Variants in AGPAT4 observed in about 807,000 individuals in gnomAD.
The protein encoded by AGPAT4 is 1-acyl-sn-glycerol-3-phosphate acyltransferase delta.
In AGPAT4, 15 loss-of-function variants were observed where a neutral mutation model predicts 48.0. That is an observed-to-expected ratio of 0.31 (90% CI 0.21 to 0.48). The LOEUF (loss-of-function observed/expected upper bound fraction) is 0.48, where lower values mean the gene tolerates loss of function less well. Among genes scored for constraint, AGPAT4 ranks in the 20% least tolerant of loss-of-function variants. The pLI is 0.99. For synonymous variants in AGPAT4, 178 were observed against 198.7 expected (o/e 0.90, Z 0.88); for missense variants, 314 against 482.5 (o/e 0.65, Z 3.27).
chr6:161,194,319 C>T (rs1781002208), intron 2 of AGPAT4, among the ~76,000 whole-genome samples: 1 of 152,118 alleles, frequency 6.6e-6, no homozygotes, highest in African/African-American at 2.4e-5. Context: ...AATTTGGACG[C>T]ACGACACTAA....
rs539347989 is a variant in AGPAT4, at chr6:161,267,072, G to A, written c.-90+6866C>T. 3.3e-5 allele frequency among the ~76,000 whole-genome samples: 5 copies of A among 152,334 alleles called. No homozygotes were observed. In the South Asian group the frequency reaches 1.0e-3, roughly 32 times the overall value. On this transcript the variant is annotated intron_variant, in intron 1 of 8. Transcript: ENST00000320285. The surrounding 1 kb of genome is among the most constrained non-coding windows in gnomAD (Gnocchi z 5.2). ...CCACCCACCGCCTTGGGAACTCTGA[G>A]AGCAGCCACCACAGGTGTCCTTGAG...
In AGPAT4 at chr6:161,221,732, A is replaced by T. The variant is rs1261960549; in HGVS notation, c.178+10304T>A. 2.0e-5 allele frequency among the ~76,000 whole-genome samples: 3 copies of T among 152,058 alleles called. No homozygotes were observed. The highest frequency in any genetic ancestry group is 2.9e-5 in the Non-Finnish European group (2 of 68,022). Reference sequence around the variant, plus strand: ...GTTCCTTCTGAGCATGTGAGGGAGGATCTGTGTCACAGCTCTCTCCCAGCG... The same window carrying T: ...GTTCCTTCTGAGCATGTGAGGGAGGTTCTGTGTCACAGCTCTCTCCCAGCG... On this transcript the variant is annotated intron_variant, in intron 2 of 8. Transcript: ENST00000320285. The surrounding 1 kb of genome is among the most constrained non-coding windows in gnomAD (Gnocchi z 4.5).
intron 2 of AGPAT4, among the ~76,000 whole-genome samples, chr6:161,203,607 A>G (rs1781303132): frequency 6.6e-6 from 1 of 151,940 alleles, no homozygotes; most frequent in Non-Finnish European, 1.5e-5. Flanking sequence ...CGTGTTGACC[A>G]GGCTGGTCTC....
rs934162094 is a variant in AGPAT4, at chr6:161,195,244, A to G, written c.179-28827T>C. ...CGAAAACCAAGATGAAGGATAATTC[A>G]AGACAAGAAACTGGCACCTATTTTC... On this transcript the variant is annotated intron_variant, in intron 2 of 8. Transcript: ENST00000320285. The surrounding 1 kb of genome is among the most constrained non-coding windows in gnomAD (Gnocchi z 5.0). Among the ~76,000 whole-genome samples, 2 of 152,212 alleles carry G rather than the reference A, an allele frequency of 1.3e-5. No individual in the cohort carries two copies. Among genetic ancestry groups the G allele is most frequent in the South Asian group, 2.1e-4 (1 of 4,832 alleles).
rs1385138101 is a variant in AGPAT4, at chr6:161,142,952, G to T, written c.844-3332C>A. Among the ~76,000 whole-genome samples, 3 of 152,162 alleles carry T rather than the reference G, an allele frequency of 2.0e-5. No homozygotes were observed. Among genetic ancestry groups the T allele is most frequent in the Non-Finnish European group, 4.4e-5 (3 of 68,024 alleles). On this transcript the variant is annotated intron_variant, in intron 7 of 8. Transcript: ENST00000320285. This position sits in a 1 kb window ranked among gnomAD's most constrained non-coding sequence, Gnocchi z 6.4. ...CCCAAAATGGTTCTTGTCCTTGAAG[G>T]CCAGAGCAGGAGAGCACAGTGTTTC...
rs1006426158 is a variant in AGPAT4, at chr6:161,184,285, C to T, written c.179-17868G>A. Among the ~76,000 whole-genome samples, 2 of 151,954 alleles carry T rather than the reference C, an allele frequency of 1.3e-5. No homozygotes were observed. Among genetic ancestry groups the T allele is most frequent in the African/African-American group, 4.8e-5 (2 of 41,338 alleles). On this transcript the variant is annotated intron_variant, in intron 2 of 8. Transcript: ENST00000320285. The surrounding 1 kb of genome is among the most constrained non-coding windows in gnomAD (Gnocchi z 4.8). ...ATGATCATATTTAGGATGATATATG[C>T]TACAGGCAGAGCCAGTGGAACTTGC...
intron 2 of AGPAT4, among the ~76,000 whole-genome samples, chr6:161,228,039 G>C (rs1782028896): frequency 6.6e-6 from 1 of 152,184 alleles, no homozygotes; most frequent in African/African-American, 2.4e-5. Flanking sequence ...CCAATGGGAA[G>C]AAAGATCAAG....
chr6:161,152,815 GACA>G (rs1779631405), intron 5 of AGPAT4, among the ~76,000 whole-genome samples: 2 of 152,202 alleles, frequency 1.3e-5, no homozygotes, highest in South Asian at 4.1e-4. Flanking sequence ...TGTGCAGAAG[GACA>G]CAGAGGGTGT....
rs1781109885 is a variant in AGPAT4, at chr6:161,197,730, G to C, written c.179-31313C>G. Among the ~76,000 whole-genome samples, 1 of 152,210 alleles carries C rather than the reference G, an allele frequency of 6.6e-6. No individual in the cohort carries two copies. Among genetic ancestry groups the C allele is most frequent in the South Asian group, 2.1e-4 (1 of 4,830 alleles). On this transcript the variant is annotated intron_variant, in intron 2 of 8. Transcript: ENST00000320285. This position sits in a 1 kb window ranked among gnomAD's most constrained non-coding sequence, Gnocchi z 5.7. ...GGCTAGAAGGAGAGCCTGGGAAGGA[G>C]ACCACTGGCCTAGCCCCAGGGAGGT...
rs1441608154 is a variant in AGPAT4, at chr6:161,264,799, G to C, written c.-90+9139C>G. Among the ~76,000 whole-genome samples, 1 of 152,150 alleles carries C rather than the reference G, an allele frequency of 6.6e-6. No homozygotes were observed. The highest frequency in any genetic ancestry group is 2.4e-5 in the African/African-American group (1 of 41,432). On this transcript the variant is annotated intron_variant, in intron 1 of 8. Transcript: ENST00000320285. This position sits in a 1 kb window ranked among gnomAD's most constrained non-coding sequence, Gnocchi z 6.8. ...CTTTGAGAGCCTGAAAGCGAGAAGG[G>C]AGAAGCGAGATGGGAAGATAAAAGG...
chr6:161,226,490 T>C lies in AGPAT4; in HGVS notation c.178+5546A>G, dbSNP rs1392530515. On this transcript the variant is annotated intron_variant, in intron 2 of 8. Coordinates refer to ENST00000320285, the MANE Select transcript of AGPAT4 (RefSeq NM_020133.3). This position sits in a 1 kb window ranked among gnomAD's most constrained non-coding sequence, Gnocchi z 6.3. The stretch of plus-strand genomic sequence containing the variant: ...CTCTTTGGGGGATCAACAGCTTTCT[T>C]ATCGAGAACACCACAGACTTCCCTT... Among the ~76,000 whole-genome samples, 3 of 152,134 alleles carry C rather than the reference T, an allele frequency of 2.0e-5. No individual in the cohort carries two copies. The highest frequency in any genetic ancestry group is 7.2e-5 in the African/African-American group (3 of 41,420).
chr6:161,153,984 C>T (rs1779684862), intron 4 of AGPAT4, 165 bp downstream of exon 4: 1 of 918,916 alleles, frequency 1.1e-6, no homozygotes, highest in South Asian at 1.5e-5. Flanking sequence ...CACACGGCCC[C>T]ATGGTCACAT....
rs576850195 is a variant in AGPAT4 at position 161,234,031 on chromosome 6, T to C, written c.-89-1729A>G. Reference sequence around the variant, plus strand: ...AACTCCGAGCTCTTTCTCCTGCACGTGTCAGGGGTGTTCTGCTCCTGAGAT... The same window carrying C: ...AACTCCGAGCTCTTTCTCCTGCACGCGTCAGGGGTGTTCTGCTCCTGAGAT... On this transcript the variant is annotated intron_variant, in intron 1 of 8. Coordinates refer to ENST00000320285, the MANE Select transcript of AGPAT4 (RefSeq NM_020133.3). The surrounding 1 kb of genome is among the most constrained non-coding windows in gnomAD (Gnocchi z 4.4). Among the ~76,000 whole-genome samples the C allele has an allele frequency of 3.3e-4, 51 of 152,282 alleles. No individual in the cohort carries two copies. The highest frequency in any genetic ancestry group is 5.9e-4 in the Non-Finnish European group (40 of 68,024).
Position 161,236,206 on chromosome 6 carries a change from G to A in AGPAT4, c.-89-3904C>T, listed in dbSNP as rs1284424688. 6.6e-6 allele frequency among the ~76,000 whole-genome samples: 1 copy of A among 151,998 alleles called. No individual in the cohort carries two copies. Among genetic ancestry groups the A allele is most frequent in the Non-Finnish European group, 1.5e-5 (1 of 68,012 alleles). ...TTATGCTGTTTCTGAGCATATCAGA[G>A]CGCTACTTACAGAGTTTCTAAATCA... On this transcript the variant is annotated intron_variant, in intron 1 of 8. Coordinates refer to ENST00000320285, the MANE Select transcript of AGPAT4 (RefSeq NM_020133.3). The surrounding 1 kb of genome is among the most constrained non-coding windows in gnomAD (Gnocchi z 5.0).
At chr6:161,211,771 G>C (rs1407607666) in intron 2 of AGPAT4, among the ~76,000 whole-genome samples, 2 of 152,118 alleles carry the variant, frequency 1.3e-5, no homozygotes, top group Admixed American at 1.3e-4. Flanking sequence ...TTGTGACACT[G>C]AGTTACAGGA....
In AGPAT4 at chr6:161,255,982, CAT is replaced by C. The variant is rs1280967731; in HGVS notation, c.-90+17954_-90+17955del. Among the ~76,000 whole-genome samples, 21 of 152,254 alleles carry C rather than the reference CAT, an allele frequency of 1.4e-4. No individual in the cohort carries two copies. The highest frequency in any genetic ancestry group is 3.4e-4 in the African/African-American group (14 of 41,548). ...TTCAGTCCACACAGCCATGTCAACA[CAT>C]AGAGGGACATGCTGTTTAGATGAAG... On this transcript the variant is annotated intron_variant, in intron 1 of 8. Coordinates refer to ENST00000320285, the MANE Select transcript of AGPAT4 (RefSeq NM_020133.3). This position sits in a 1 kb window ranked among gnomAD's most constrained non-coding sequence, Gnocchi z 4.7.
chr6:161,208,912 T>C lies in AGPAT4; in HGVS notation c.178+23124A>G, dbSNP rs1485867487. On this transcript the variant is annotated intron_variant, in intron 2 of 8. Coordinates refer to ENST00000320285, the MANE Select transcript of AGPAT4 (RefSeq NM_020133.3). This position sits in a 1 kb window ranked among gnomAD's most constrained non-coding sequence, Gnocchi z 4.6. ...TCAGGTGAAACAATGTAATCAGAAC[T>C]ACCATTGGGGAACACAAGCAAACCC... Among the ~76,000 whole-genome samples the C allele has an allele frequency of 2.0e-5, 3 of 152,092 alleles. No homozygotes were observed. Among genetic ancestry groups the C allele is most frequent in the African/African-American group, 7.2e-5 (3 of 41,408 alleles).
Position 161,138,118 on chromosome 6 carries a change from G to A in AGPAT4, c.1042+1304C>T, listed in dbSNP as rs529507693. On this transcript the variant is annotated intron_variant, in intron 8 of 8. Transcript: ENST00000320285. The surrounding 1 kb of genome is among the most constrained non-coding windows in gnomAD (Gnocchi z 4.8). ...GGGCCCTGGCACCTGCAGCTGCCCCGGACCCTTGGCCAGCCTCAGCATGGC... is the reference window on the plus strand; with the variant it reads ...GGGCCCTGGCACCTGCAGCTGCCCCAGACCCTTGGCCAGCCTCAGCATGGC... 5.3e-5 allele frequency among the ~76,000 whole-genome samples: 8 copies of A among 152,308 alleles called. No homozygotes were observed. The highest frequency in any genetic ancestry group is 2.1e-4 in the South Asian group (1 of 4,822).
chr6:161,267,056 G>A lies in AGPAT4; in HGVS notation c.-90+6882C>T, dbSNP rs373972745. Among the ~76,000 whole-genome samples the A allele has an allele frequency of 3.3e-4, 50 of 152,320 alleles. No homozygotes were observed. Among genetic ancestry groups the A allele is most frequent in the Non-Finnish European group, 5.1e-4 (35 of 68,040 alleles). ...AAGCCTCTGACTCCATCCACCCACCGCCTTGGGAACTCTGAGAGCAGCCAC... is the reference window on the plus strand; with the variant it reads ...AAGCCTCTGACTCCATCCACCCACCACCTTGGGAACTCTGAGAGCAGCCAC... On this transcript the variant is annotated intron_variant, in intron 1 of 8. Coordinates refer to ENST00000320285, the MANE Select transcript of AGPAT4 (RefSeq NM_020133.3). The surrounding 1 kb of genome is among the most constrained non-coding windows in gnomAD (Gnocchi z 5.2).
Sources: gnomAD v4.1 joint callset for allele counts (sites outside exome capture counted in the v4.1 genomes callset) on GRCh38, gnomAD v4.1.1 for gene constraint, Gnocchi (gnomAD v3.1) non-coding constraint, MANE v1.5 for transcripts, NCBI Gene and HGNC (gene_info 2026-07-23, HGNC 2026-07-21) for gene names.